BTF3L4: variants seen among roughly 807,000 people sequenced by gnomAD.
BTF3L4 encodes basic transcription factor 3 like 4.
In BTF3L4, 6 loss-of-function variants were observed where a neutral mutation model predicts 16.8. That is an observed-to-expected ratio of 0.36 (90% CI 0.20 to 0.71). The LOEUF (loss-of-function observed/expected upper bound fraction) is 0.71, where lower values mean the gene tolerates loss of function less well. Among genes scored for constraint, BTF3L4 ranks in the 30% least tolerant of loss-of-function variants. The pLI, the probability that BTF3L4 is intolerant of heterozygous loss-of-function variation, is 0.58. For synonymous variants in BTF3L4, 39 were observed against 59.8 expected, an observed-to-expected ratio of 0.65 and a Z score of 1.60; for missense variants, 92 against 186.9, an observed-to-expected ratio of 0.49 and a Z score of 2.96.
chr1:52,074,161 G>GT (rs140330597), intron 3 of BTF3L4, among the ~76,000 whole-genome samples: 24,987 of 150,206 alleles, frequency 0.17, 2,149 homozygotes, highest in Middle Eastern at 0.21. Context: ...GCAAGACCTT[G>GT]TTTTTTTTTG....
At chr1:52,075,733 G>T (rs932126830) in intron 3 of BTF3L4, among the ~76,000 whole-genome samples, 2 of 151,592 alleles carry the variant, frequency 1.3e-5, no homozygotes, top group Non-Finnish European at 2.9e-5. Context: ...GCGCGATCTT[G>T]GCTAACTGCA....
chr1:52,060,354 A>T, intron 2 of BTF3L4: 1 of 650,076 alleles, frequency 1.5e-6, no homozygotes, highest in Non-Finnish European at 2.3e-6. Context: ...CTTTGTCTTG[A>T]CTGGATGTTA....
chr1:52,067,584 C>A (rs77129738), intron 3 of BTF3L4, among the ~76,000 whole-genome samples: 15 of 152,102 alleles, frequency 9.9e-5, no homozygotes, highest in African/African-American at 3.6e-4. Flanking sequence ...TTCTCTTAAT[C>A]TTAGATACAT....
intron 3 of BTF3L4, among the ~76,000 whole-genome samples, chr1:52,073,938 A>T (rs1328704358): frequency 2.0e-5 from 3 of 152,078 alleles, no homozygotes; most frequent in African/African-American, 7.2e-5. Context: ...CGGAGGTTGC[A>T]GTGAACTGAG....
At chr1:52,068,164 T>C (rs570669977) in intron 3 of BTF3L4, among the ~76,000 whole-genome samples, 3 of 152,210 alleles carry the variant, frequency 2.0e-5, no homozygotes, top group Admixed American at 2.0e-4. Flanking sequence ...TGTTTTACAT[T>C]GAAATAAGGA....
chr1:52,071,826 G>A (rs1285495363), intron 3 of BTF3L4, among the ~76,000 whole-genome samples: 1 of 151,888 alleles, frequency 6.6e-6, no homozygotes, highest in South Asian at 2.1e-4. Flanking sequence ...CTGAGTACAC[G>A]AGAGTAAAAG....
intron 2 of BTF3L4, 141 bp downstream of exon 2, chr1:52,060,042 C>G (rs910316771): frequency 3.7e-5 from 29 of 774,024 alleles, no homozygotes; most frequent in Non-Finnish European, 5.1e-5. Context: ...AATAACTTGT[C>G]TAGATCTAAA....
chr1:52,086,853 A>C lies in BTF3L4; in HGVS notation c.*95A>C. 1 of 641,038 alleles carries C rather than the reference A, an allele frequency of 1.6e-6. No individual in the cohort carries two copies. Among genetic ancestry groups the C allele is most frequent in the Non-Finnish European group, 2.7e-6 (1 of 374,256 alleles). The allele number at this position is 641,038 out of a possible 1,614,324, so 39.7% of individuals were successfully genotyped here. On this transcript the variant is annotated 3_prime_UTR_variant, in exon 6 of 6. Transcript: ENST00000313334. ...GACATGGAGAACATCACCTGTTACT[A>C]GTTCAGTAATATAAATATTTTGTAT...
At chr1:52,057,215 A>G (rs767029575) in intron 1 of BTF3L4, among the ~76,000 whole-genome samples, 3 of 152,372 alleles carry the variant, frequency 2.0e-5, no homozygotes, top group South Asian at 4.1e-4. Flanking sequence ...GAAACCCTAC[A>G]TAATAAAAAG....
chr1:52,083,288 T>A, intron 3 of BTF3L4, 52 bp from the exon 4 acceptor site: 2 of 1,450,658 alleles, frequency 1.4e-6, no homozygotes, highest in South Asian at 1.2e-5. Context: ...AAAAATATAT[T>A]GTTTTAGTGT....
intron 3 of BTF3L4, among the ~76,000 whole-genome samples, chr1:52,074,129 C>T (rs1428947711): frequency 1.3e-5 from 2 of 151,666 alleles, no homozygotes; most frequent in Admixed American, 6.6e-5. Flanking sequence ...CTCACCACTG[C>T]ACTTCCAGCC....
chr1:52,085,591 G>A lies in BTF3L4; in HGVS notation c.371-521G>A, dbSNP rs187965002. On this transcript the variant is annotated intron_variant, in intron 4 of 5. Transcript: ENST00000313334. The stretch of plus-strand genomic sequence containing the variant: ...TAGGCCGTGTGTGGTGGCTTATGTC[G>A]GTAATCCCAGCACTTTGGGAGGCCA... Among the ~76,000 whole-genome samples, 1,082 of 151,874 alleles carry A rather than the reference G, an allele frequency of 7.1e-3. 14 individuals are homozygous for A. Among genetic ancestry groups the A allele is most frequent in the African/African-American group, 0.025 (1,038 of 41,450 alleles).
chr1:52,068,936 C>T (rs920416047), intron 3 of BTF3L4, among the ~76,000 whole-genome samples: 3 of 152,162 alleles, frequency 2.0e-5, no homozygotes, highest in South Asian at 2.1e-4. Flanking sequence ...CTCCACAATG[C>T]CCTGTATCTG....
intron 1 of BTF3L4, 31 bp from the exon 2 acceptor site, chr1:52,059,804 G>T (rs1210005231): frequency 5.0e-6 from 8 of 1,606,592 alleles, no homozygotes; most frequent in South Asian, 1.1e-5. Flanking sequence ...GCAAAAGAGT[G>T]ACTTTAACAA....
intron 2 of BTF3L4, 77 bp downstream of exon 2, chr1:52,059,978 T>C (rs1314497975): frequency 1.5e-6 from 2 of 1,369,680 alleles, no homozygotes; most frequent in Non-Finnish European, 2.0e-6. Context: ...TTTGTGGTCA[T>C]TGAAAATCTA....
At chr1:52,068,218 A>G (rs1266701681) in intron 3 of BTF3L4, among the ~76,000 whole-genome samples, 2 of 152,222 alleles carry the variant, frequency 1.3e-5, no homozygotes, top group East Asian at 1.9e-4. Flanking sequence ...AATCAAACCT[A>G]TAATACTGTG....
chr1:52,081,200 C>T (rs559782292), intron 3 of BTF3L4, among the ~76,000 whole-genome samples: 85 of 63,018 alleles, frequency 1.3e-3, no homozygotes, highest in African/African-American at 2.2e-3. Flanking sequence ...TGAAGTGGTG[C>T]GATCTCACCT....
chr1:52,079,648 A>G (rs1443072888), intron 3 of BTF3L4, among the ~76,000 whole-genome samples: 2 of 152,102 alleles, frequency 1.3e-5, no homozygotes, highest in African/African-American at 2.4e-5. Context: ...ATATAACAAC[A>G]TTTAGCCTTC....
intron 3 of BTF3L4, among the ~76,000 whole-genome samples, chr1:52,070,043 A>G (rs904838424): frequency 2.0e-5 from 3 of 152,030 alleles, no homozygotes; most frequent in African/African-American, 7.2e-5. Flanking sequence ...ATGGTACAAC[A>G]CTGTCTCTAC....
Sources: allele counts gnomAD v4.1 joint callset (sites outside exome capture counted in the v4.1 genomes callset), GRCh38; gene constraint gnomAD v4.1.1; transcripts MANE v1.5; gene names NCBI Gene and HGNC (gene_info 2026-07-23, HGNC 2026-07-21).